Variants in DEPTOR observed in about 807,000 individuals in gnomAD.
DEPTOR encodes DEP domain containing MTOR interacting protein.
Under a neutral mutation model 41.6 loss-of-function variants are expected in DEPTOR, and 41 were observed. The observed-to-expected ratio is 0.98, with a 90% CI of 0.77 to 1.28. DEPTOR has a LOEUF of 1.28. DEPTOR is among the 50% of genes most tolerant of loss of function. DEPTOR has a pLI of 0.00. For synonymous variants in DEPTOR, 195 were observed against 192.3 expected (o/e 1.01, Z -0.12); for missense variants, 514 against 527.9 (o/e 0.97, Z 0.26).
At chr8:119,914,515 C>T (rs967605927) in intron 1 of DEPTOR, among the ~76,000 whole-genome samples, 1 of 152,086 alleles carries the variant, frequency 6.6e-6, no homozygotes, top group Non-Finnish European at 1.5e-5. Flanking sequence ...TCTTGGCTCA[C>T]GGCAACCTCC....
chr8:119,912,565 C>T (rs1827759129), intron 1 of DEPTOR, among the ~76,000 whole-genome samples: 1 of 152,186 alleles, frequency 6.6e-6, no homozygotes, highest in Non-Finnish European at 1.5e-5. Context: ...TCCAGAGAAA[C>T]CTTGTCTATT....
chr8:120,031,771 C>T (rs1432956398), intron 8 of DEPTOR, among the ~76,000 whole-genome samples: 1 of 152,192 alleles, frequency 6.6e-6, no homozygotes, highest in Non-Finnish European at 1.5e-5. Flanking sequence ...AGCCTTGATA[C>T]TGGGAGCTCT....
chr8:119,957,646 T>A (rs997227957), intron 3 of DEPTOR, among the ~76,000 whole-genome samples: 1 of 151,184 alleles, frequency 6.6e-6, no homozygotes, highest in Admixed American at 6.6e-5. Flanking sequence ...TGGAGTGCAA[T>A]GGTGCAATCT....
At chr8:119,960,589 A>G (rs1223018842) in intron 3 of DEPTOR, among the ~76,000 whole-genome samples, 1 of 152,240 alleles carries the variant, frequency 6.6e-6, no homozygotes, top group Non-Finnish European at 1.5e-5. Context: ...ATGATTACTT[A>G]CATAGCATAA....
intron 3 of DEPTOR, among the ~76,000 whole-genome samples, chr8:119,939,313 G>C (rs1316322782): frequency 6.6e-6 from 1 of 152,170 alleles, no homozygotes; most frequent in African/African-American, 2.4e-5. Flanking sequence ...TCAGGAGGCA[G>C]CCTCATGTCT....
chr8:119,879,392 T>A (rs1303836026), intron 1 of DEPTOR, among the ~76,000 whole-genome samples: 1 of 152,164 alleles, frequency 6.6e-6, no homozygotes, highest in African/African-American at 2.4e-5. Flanking sequence ...TGTACACAGA[T>A]GTTCATAGCA....
rs546114705 is a variant in DEPTOR at position 119,995,481 on chromosome 8, G to A, written c.605-6044G>A. On this transcript the variant is annotated intron_variant, in intron 4 of 8. Coordinates refer to ENST00000286234, the MANE Select transcript of DEPTOR (RefSeq NM_022783.4). ...GGTGCCTATAATCCCAGCTACTTGG[G>A]GGACTAAGGCAGGAGAGTCACTTGA... 2.0e-5 allele frequency among the ~76,000 whole-genome samples: 3 copies of A among 151,918 alleles called. No individual in the cohort carries two copies. In the East Asian group the frequency reaches 5.8e-4, roughly 29 times the overall value.
intron 1 of DEPTOR, among the ~76,000 whole-genome samples, chr8:119,925,883 C>T (rs1827957695): frequency 6.6e-6 from 1 of 152,198 alleles, no homozygotes; most frequent in African/African-American, 2.4e-5. Context: ...CCTTGGCCTC[C>T]CAAAGTGCTG....
chr8:119,998,921 A>T (rs1812306998), intron 4 of DEPTOR, among the ~76,000 whole-genome samples: 1 of 149,284 alleles, frequency 6.7e-6, no homozygotes, highest in African/African-American at 2.5e-5. Context: ...ATACCTTTGG[A>T]CTTCAGTTCC....
chr8:119,878,031 A>G (rs959989353), intron 1 of DEPTOR, among the ~76,000 whole-genome samples: 1 of 152,152 alleles, frequency 6.6e-6, no homozygotes, highest in African/African-American at 2.4e-5. Flanking sequence ...TCCGGGTTCA[A>G]GAGATTCTCC....
chr8:120,011,775 C>T (rs1445154681), intron 8 of DEPTOR, among the ~76,000 whole-genome samples: 1 of 152,174 alleles, frequency 6.6e-6, no homozygotes, highest in African/African-American at 2.4e-5. Flanking sequence ...CGTATATTCC[C>T]TGATCGATGT....
rs560674603 is a variant in DEPTOR, at chr8:120,043,361, G to A, written c.1102-6215G>A. 2.6e-5 allele frequency among the ~76,000 whole-genome samples: 4 copies of A among 152,104 alleles called. No individual in the cohort carries two copies. The South Asian group carries it at 8.3e-4, about 32-fold the overall frequency. ...GGCATTATTTTTTGCCTTATTCAAG[G>A]AAAAAGTTTGAAATAAGTATCTAAG... On this transcript the variant is annotated intron_variant, in intron 8 of 8. Coordinates refer to ENST00000286234, the MANE Select transcript of DEPTOR (RefSeq NM_022783.4).
chr8:119,888,435 A>G (rs1300734886), intron 1 of DEPTOR, among the ~76,000 whole-genome samples: 1 of 152,214 alleles, frequency 6.6e-6, no homozygotes, highest in Admixed American at 6.5e-5. Flanking sequence ...TTTGAAGCCA[A>G]AAGTTGACTC....
At chr8:119,883,631 G>C (rs1468438531) in intron 1 of DEPTOR, among the ~76,000 whole-genome samples, 1 of 152,144 alleles carries the variant, frequency 6.6e-6, no homozygotes, top group Non-Finnish European at 1.5e-5. Flanking sequence ...TAGCAGCTGA[G>C]GGAGGCTCAA....
Position 119,929,879 on chromosome 8 carries a change from C to T in DEPTOR, c.366C>T (p.Gly122=), listed in dbSNP as rs767275707. 1 of 1,613,882 alleles carries T rather than the reference C, an allele frequency of 6.2e-7. No individual in the cohort carries two copies. Among genetic ancestry groups the T allele is most frequent in the Non-Finnish European group, 8.5e-7 (1 of 1,179,868 alleles). The change falls in exon 3 of 9, where the codon GGC becomes GGT. Residue 122 remains glycine, a synonymous_variant. Transcript: ENST00000286234. ...KLFYRFRKDD[G]TFPLDNEVKA... ...TCTACCGCTTTAGAAAGGATGACGG[C>T]ACCTTCCCATTGGATAATGAAGTGA...
chr8:120,034,541 G>A (rs562187473), intron 8 of DEPTOR, among the ~76,000 whole-genome samples: 9 of 143,434 alleles, frequency 6.3e-5, no homozygotes, highest in South Asian at 2.2e-4. Flanking sequence ...TCCACCTCCC[G>A]GGTTCAAGCA....
chr8:120,048,238 C>G (rs954949630), intron 8 of DEPTOR, among the ~76,000 whole-genome samples: 9 of 152,098 alleles, frequency 5.9e-5, no homozygotes, highest in African/African-American at 2.2e-4. Context: ...TTGAAATTTC[C>G]AAGTCTAGGG....
intron 4 of DEPTOR, among the ~76,000 whole-genome samples, chr8:119,972,483 T>C (rs907028652): frequency 6.6e-6 from 1 of 151,754 alleles, no homozygotes; most frequent in African/African-American, 2.4e-5. Flanking sequence ...ATTAGCCAGG[T>C]GTGGTAGCAT....
At chr8:119,946,914 C>G (rs1828286646) in intron 3 of DEPTOR, among the ~76,000 whole-genome samples, 1 of 152,154 alleles carries the variant, frequency 6.6e-6, no homozygotes, top group African/African-American at 2.4e-5. Flanking sequence ...TTCCCTCACC[C>G]TCTCCAGATG....
Sources: allele counts gnomAD v4.1 joint callset (sites outside exome capture counted in the v4.1 genomes callset), GRCh38; gene constraint gnomAD v4.1.1; transcripts MANE v1.5; gene names NCBI Gene and HGNC (gene_info 2026-07-23, HGNC 2026-07-21).